Variants in HS3ST3A1 observed in about 807,000 individuals in gnomAD.
HS3ST3A1 encodes the protein heparan sulfate glucosamine 3-O-sulfotransferase 3A1.
HS3ST3A1 carries 19 observed loss-of-function variants against 25.7 expected under a neutral mutation model. That is an observed-to-expected ratio of 0.74 (90% confidence interval 0.52 to 1.08). HS3ST3A1 has a LOEUF of 1.08. Ranked by LOEUF, HS3ST3A1 falls within the 50% of genes least tolerant of loss-of-function variation. The pLI is 0.00. For synonymous variants in HS3ST3A1, 226 were observed against 278.6 expected, an observed-to-expected ratio of 0.81 and a Z score of 1.88; for missense variants, 459 against 594.3, an observed-to-expected ratio of 0.77 and a Z score of 2.37.
In HS3ST3A1 at chr17:13,556,689, T is replaced by G. The variant is rs1907386040; in HGVS notation, c.599+43842A>C. Among the ~76,000 whole-genome samples, 6 of 149,740 alleles carry G rather than the reference T, an allele frequency of 4.0e-5. No individual in the cohort carries two copies. The South Asian group carries it at 1.3e-3, about 32-fold the overall frequency. On this transcript the variant is annotated intron_variant, in intron 1 of 1. Coordinates refer to ENST00000284110, the MANE Select transcript of HS3ST3A1 (RefSeq NM_006042.3). ...CAACATGGTGAAACCCTGTCTCTAC[T>G]AAAAATACAAAAATTAGTCAGGCGT...
intron 1 of HS3ST3A1, among the ~76,000 whole-genome samples, chr17:13,562,943 C>T (rs530967978): frequency 2.0e-5 from 3 of 151,906 alleles, no homozygotes; most frequent in South Asian, 4.2e-4. Context: ...TGTCAGGACC[C>T]GATACAGAGC....
At chr17:13,515,152 T>C (rs1906009207) in intron 1 of HS3ST3A1, among the ~76,000 whole-genome samples, 1 of 152,306 alleles carries the variant, frequency 6.6e-6, no homozygotes, top group South Asian at 2.1e-4. Flanking sequence ...ATCTGAGACA[T>C]ATAAAATTGC....
chr17:13,522,863 C>G (rs1227494443), intron 1 of HS3ST3A1, among the ~76,000 whole-genome samples: 1 of 151,418 alleles, frequency 6.6e-6, no homozygotes, highest in African/African-American at 2.4e-5. Flanking sequence ...GACACACACA[C>G]ACACACACAC....
intron 1 of HS3ST3A1, among the ~76,000 whole-genome samples, chr17:13,550,200 C>T (rs777025895): frequency 1.2e-4 from 19 of 152,114 alleles, no homozygotes; most frequent in Non-Finnish European, 2.8e-4. Flanking sequence ...AGTGCATGGA[C>T]TAAATTTTGA....
Position 13,496,148 on chromosome 17 carries a change from A to T in HS3ST3A1, c.*49T>A, listed in dbSNP as rs1313466757. 2 of 1,457,224 alleles carry T rather than the reference A, an allele frequency of 1.4e-6. No individual in the cohort carries two copies. Among genetic ancestry groups the T allele is most frequent in the Non-Finnish European group, 1.8e-6 (2 of 1,105,344 alleles). 90.3% of individuals were successfully genotyped at this position (1,457,224 alleles called of 1,614,324 possible). ...AACTGTCTCTTCTCTACCGATTGGT[A>T]AAAAAATATATTATATTTTGATTTT... On this transcript the variant is annotated 3_prime_UTR_variant, in exon 2 of 2. Transcript: ENST00000284110.
chr17:13,591,719 C>T lies in HS3ST3A1; in HGVS notation c.599+8812G>A, dbSNP rs1265432092. ...TGTTGCCCAGGCTGGAGTGCAGTGG[C>T]GCAATCTCAGCTCAATGCAGCCTCT... On this transcript the variant is annotated intron_variant, in intron 1 of 1. Coordinates refer to ENST00000284110, the MANE Select transcript of HS3ST3A1 (RefSeq NM_006042.3). 3.4e-5 allele frequency among the ~76,000 whole-genome samples: 5 copies of T among 147,600 alleles called. No individual in the cohort carries two copies. The East Asian group carries it at 6.1e-4, about 18-fold the overall frequency.
At chr17:13,519,940 G>C (rs1906178960) in intron 1 of HS3ST3A1, among the ~76,000 whole-genome samples, 1 of 152,156 alleles carries the variant, frequency 6.6e-6, no homozygotes, top group African/African-American at 2.4e-5. Context: ...ACTTATTAGA[G>C]GTAGCAGGAT....
intron 1 of HS3ST3A1, among the ~76,000 whole-genome samples, chr17:13,532,812 A>G (rs2142333750): frequency 6.6e-6 from 1 of 151,154 alleles, no homozygotes; most frequent in Admixed American, 6.6e-5. Context: ...TTTGTTGAGT[A>G]TTTCCAAGAC....
chr17:13,584,952 G>A (rs955411029), intron 1 of HS3ST3A1, among the ~76,000 whole-genome samples: 2 of 151,962 alleles, frequency 1.3e-5, no homozygotes, highest in Non-Finnish European at 2.9e-5. Flanking sequence ...CTGTCACACC[G>A]CAAAAGCCCA....
At chr17:13,497,105 G>A (rs955114694) in intron 1 of HS3ST3A1, among the ~76,000 whole-genome samples, 2 of 152,142 alleles carry the variant, frequency 1.3e-5, no homozygotes, top group African/African-American at 4.8e-5. Flanking sequence ...GCCACGTTAA[G>A]TTTCTGTGTT....
At chr17:13,581,081 A>G (rs1908099811) in intron 1 of HS3ST3A1, among the ~76,000 whole-genome samples, 1 of 152,194 alleles carries the variant, frequency 6.6e-6, no homozygotes, top group South Asian at 2.1e-4. Flanking sequence ...TTATGGTCAA[A>G]TGGTATGCTC....
At chr17:13,542,044 G>T (rs1475996818) in intron 1 of HS3ST3A1, among the ~76,000 whole-genome samples, 2 of 152,094 alleles carry the variant, frequency 1.3e-5, no homozygotes, top group African/African-American at 4.8e-5. Context: ...AGTTAAATGA[G>T]GGGTCGGGCA....
At chr17:13,520,864 G>A (rs778841217) in intron 1 of HS3ST3A1, among the ~76,000 whole-genome samples, 17 of 151,998 alleles carry the variant, frequency 1.1e-4, no homozygotes, top group Non-Finnish European at 2.1e-4. Flanking sequence ...TGCCCACCTC[G>A]ACCTCCCAAA....
At chr17:13,538,051 T>C (rs1306145233) in intron 1 of HS3ST3A1, among the ~76,000 whole-genome samples, 1 of 152,232 alleles carries the variant, frequency 6.6e-6, no homozygotes, top group Non-Finnish European at 1.5e-5. Flanking sequence ...AAGATGCTTG[T>C]ATTAAGAAAC....
intron 1 of HS3ST3A1, among the ~76,000 whole-genome samples, chr17:13,547,807 G>C (rs1907128050): frequency 6.6e-6 from 1 of 152,172 alleles, no homozygotes; most frequent in African/African-American, 2.4e-5. Context: ...ATCTGATATG[G>C]GGCAGCCTTG....
intron 1 of HS3ST3A1, among the ~76,000 whole-genome samples, chr17:13,548,989 GC>G (rs1907168918): frequency 6.6e-6 from 1 of 152,186 alleles, no homozygotes; most frequent in African/African-American, 2.4e-5. Flanking sequence ...GGCCACCCGA[GC>G]CCGCAGCAGC....
chr17:13,541,870 G>C (rs545337092), intron 1 of HS3ST3A1, among the ~76,000 whole-genome samples: 13 of 152,186 alleles, frequency 8.5e-5, no homozygotes, highest in Non-Finnish European at 1.8e-4. Context: ...TTGACTTGCT[G>C]TGGTTTCTGT....
chr17:13,572,891 T>G (rs935690080), intron 1 of HS3ST3A1, among the ~76,000 whole-genome samples: 4 of 152,268 alleles, frequency 2.6e-5, no homozygotes, highest in African/African-American at 9.6e-5. Context: ...ATATATTGAA[T>G]TAGGGAAAGC....
chr17:13,595,214 A>T (rs1224723075), intron 1 of HS3ST3A1, among the ~76,000 whole-genome samples: 1 of 152,198 alleles, frequency 6.6e-6, no homozygotes, highest in Non-Finnish European at 1.5e-5. Context: ...CCACATAGTA[A>T]GGCAAAAATT....
Sources: allele counts gnomAD v4.1 joint callset (sites outside exome capture counted in the v4.1 genomes callset), GRCh38; gene constraint gnomAD v4.1.1; transcripts MANE v1.5; gene names NCBI Gene and HGNC (gene_info 2026-07-23, HGNC 2026-07-21).